Variants in MATN3 observed in about 807,000 individuals in gnomAD.
MATN3 encodes matrilin-3.
In MATN3, 48 loss-of-function variants were observed where a neutral mutation model predicts 45.3. The ratio of observed to expected loss-of-function variants is 1.06; its 90% CI spans 0.84 to 1.35. MATN3 has a LOEUF of 1.35. MATN3 is among the 40% of genes most tolerant of loss of function. The pLI is 0.00. For synonymous variants in MATN3, 217 were observed against 245.9 expected (o/e 0.88, Z 1.10); for missense variants, 599 against 628.0 (o/e 0.95, Z 0.49).
Position 19,993,060 on chromosome 2 carries a change from G to A in MATN3, c.*51C>T, listed in dbSNP as rs1360658682. 7.0e-7 allele frequency: 1 copy of A among 1,430,786 alleles called. No homozygotes were observed. The highest frequency in any genetic ancestry group is 9.9e-7 in the Non-Finnish European group (1 of 1,013,778). The allele number at this position is 1,430,786 out of a possible 1,614,324, so 88.6% of individuals were successfully genotyped here. A position where few individuals can be genotyped will look rare whatever the true frequency, so the allele number is the denominator to read the frequency against. On this transcript the variant is annotated 3_prime_UTR_variant, in exon 8 of 8. Transcript: ENST00000407540. The stretch of plus-strand genomic sequence containing the variant: ...AACAGGTGTGCAAAAGAATGCATGA[G>A]TATTAAGTACACCAAGCTGTCCACA...
rs1323768727 is a variant in MATN3 at position 20,006,068 on chromosome 2, A to T, written c.466T>A (p.Leu156Met). 6 of 1,613,856 alleles carry T rather than the reference A, an allele frequency of 3.7e-6. No homozygotes were observed. Among genetic ancestry groups the T allele is most frequent in the African/African-American group, 1.3e-5 (1 of 74,922 alleles). Residue 156 changes from leucine to methionine, a missense_variant, in exon 2 of 8, where the codon TTG (leucine) becomes ATG (methionine). Coordinates refer to ENST00000407540, the MANE Select transcript of MATN3 (RefSeq NM_002381.5). ...AGGCCTGACATGGTGCCTGTTGACA[A>T]GGGTGTGATTCGACCCACGGCCTGC... is the stretch of plus-strand genomic sequence containing the variant. ...LKQAVGRITP[L>M]STGTMSGLAI...
chr2:20,004,331 C>T (rs1337278930), intron 2 of MATN3: 3 of 152,280 alleles, frequency 2.0e-5, no homozygotes, highest in Admixed American at 6.5e-5. Flanking sequence ...CGAAGCCCAA[C>T]CCCAGGTGCT....
In MATN3 at chr2:20,000,456, T is replaced by A. The variant is rs758731186; in HGVS notation, c.1153A>T (p.Lys385Ter). Residue 385 changes from lysine (K) to a stop codon, truncating the protein, a stop_gained, in exon 5 of 8, where the codon AAA (lysine) becomes TAA (stop). Transcript: ENST00000407540. LOFTEE classifies it high-confidence loss of function. ...TGGATCTTACCTGAACATGTTTTTT[T>A]ATCTGCATTCAGAGTGTAGCCCTCA... ...CYEGYTLNAD[K>*]KTCSVRDKCA... 6.2e-7 allele frequency: 1 copy of A among 1,607,078 alleles called. No individual in the cohort carries two copies. Among genetic ancestry groups the A allele is most frequent in the Non-Finnish European group, 8.5e-7 (1 of 1,177,560 alleles).
rs1672967895 is a variant in MATN3, at chr2:20,000,643, G to A, written c.1043-77C>T. 9.2e-6 allele frequency: 13 copies of A among 1,411,802 alleles called. 1 individual carries two copies. Among genetic ancestry groups the A allele is most frequent in the African/African-American group, 8.8e-5 (6 of 68,380 alleles). 87.5% of individuals were successfully genotyped at this position (1,411,802 alleles called of 1,614,324 possible). A position where few individuals can be genotyped will look rare whatever the true frequency, so the allele number is the denominator to read the frequency against. On this transcript the variant is annotated intron_variant, in intron 4 of 7. Coordinates refer to ENST00000407540, the MANE Select transcript of MATN3 (RefSeq NM_002381.5). ...ATTACCCAGGATAGAAACCTTATTT[G>A]CAGCTGGAAACATATGAGGAAAACT... is the stretch of plus-strand genomic sequence containing the variant.
At chr2:20,008,271 C>A (rs923162028) in intron 1 of MATN3, among the ~76,000 whole-genome samples, 1 of 152,088 alleles carries the variant, frequency 6.6e-6, no homozygotes, top group South Asian at 2.1e-4. Flanking sequence ...CCCTAAACTT[C>A]TTTTTCAAGT....
At chr2:19,996,629 T>A (rs772937189) in intron 6 of MATN3, among the ~76,000 whole-genome samples, 7 of 152,082 alleles carry the variant, frequency 4.6e-5, no homozygotes, top group Non-Finnish European at 8.8e-5. Flanking sequence ...GAAGAAGCAG[T>A]GAATCTGGGG....
At position 20,012,193 on chromosome 2, in the gene MATN3, T is replaced by C. The variant is rs1172235140; in HGVS notation, c.223+216A>G. 6.6e-6 allele frequency among the ~76,000 whole-genome samples: 1 copy of C among 152,170 alleles called. No individual in the cohort carries two copies. The highest frequency in any genetic ancestry group is 2.4e-5 in the African/African-American group (1 of 41,444). ...GGCCGAATCACAGGGGAGTGAGAGC[T>C]TCAGGAGACCCACATCTCTAGCCTG... is the stretch of plus-strand genomic sequence containing the variant. On this transcript the variant is annotated intron_variant, in intron 1 of 7. Coordinates refer to ENST00000407540, the MANE Select transcript of MATN3 (RefSeq NM_002381.5). This position sits in a 1 kb window ranked among gnomAD's most constrained non-coding sequence, Gnocchi z 4.3.
At chr2:20,011,680 CCTTG>C (rs958717962) in intron 1 of MATN3, among the ~76,000 whole-genome samples, 6 of 152,170 alleles carry the variant, frequency 3.9e-5, no homozygotes, top group Non-Finnish European at 7.3e-5. Context: ...TGGAAAGAGA[CCTTG>C]CTTGGGATTT....
In MATN3 at chr2:20,012,350, G is replaced by T. The variant is rs938965361; in HGVS notation, c.223+59C>A. 12 of 1,186,684 alleles carry T rather than the reference G, an allele frequency of 1.0e-5. No individual in the cohort carries two copies. The African/African-American group carries it at 1.9e-4, about 19-fold the overall frequency. The allele number at this position is 1,186,684 out of a possible 1,614,324, so 73.5% of individuals were successfully genotyped here. Reference sequence around the variant, plus strand: ...AGGCCGGGATGAAGCGCGCTTGGTGGATGCCCTGGGCTTCTCCTCGTTCGA... The same window carrying T: ...AGGCCGGGATGAAGCGCGCTTGGTGTATGCCCTGGGCTTCTCCTCGTTCGA... On this transcript the variant is annotated intron_variant, in intron 1 of 7. Transcript: ENST00000407540. The surrounding 1 kb of genome is among the most constrained non-coding windows in gnomAD (Gnocchi z 4.3).
chr2:20,009,982 G>T (rs1158843053), intron 1 of MATN3, among the ~76,000 whole-genome samples: 1 of 145,072 alleles, frequency 6.9e-6, no homozygotes. Context: ...TGACCATCTT[G>T]AGCACATGTA....
chr2:20,010,089 A>AAAAAAAAAAAAAAAAAAAAAAAAAAAT (rs1241060286), intron 1 of MATN3, among the ~76,000 whole-genome samples: 1 of 144,212 alleles, frequency 6.9e-6, no homozygotes, highest in Non-Finnish European at 1.5e-5. Context: ...AAAAAAAAAA[A>AAAAAAAAAAAAAAAAAAAAAAAAAAAT]ACCTCCAGAA....
chr2:19,997,277 A>G lies in MATN3; in HGVS notation c.1169-18T>C. The G allele has an allele frequency of 6.3e-7, 1 of 1,579,404 alleles. No individual in the cohort carries two copies. Among genetic ancestry groups the G allele is most frequent in the Non-Finnish European group, 8.6e-7 (1 of 1,166,572 alleles). On this transcript the variant is annotated intron_variant, in intron 5 of 7. Transcript: ENST00000407540. ...GTCACGGACTGACCGCACGTGGTGC[A>G]GGAAAGAAAATATTCACACATTAAA...
At chr2:20,001,194 A>G (rs1274642874) in intron 4 of MATN3, among the ~76,000 whole-genome samples, 1 of 152,272 alleles carries the variant, frequency 6.6e-6, no homozygotes, top group Non-Finnish European at 1.5e-5. Flanking sequence ...AGTAATTTAC[A>G]TAACCATAGT....
chr2:19,996,329 A>G (rs1672865835), intron 6 of MATN3, among the ~76,000 whole-genome samples: 1 of 152,228 alleles, frequency 6.6e-6, no homozygotes, highest in Non-Finnish European at 1.5e-5. Flanking sequence ...GAAAGAAATT[A>G]AAGAAGACCT....
Position 20,005,960 on chromosome 2 carries a change from T to C in MATN3, c.574A>G (p.Ile192Val). The C allele has an allele frequency of 6.2e-7, 1 of 1,613,972 alleles. No homozygotes were observed. The highest frequency in any genetic ancestry group is 8.5e-7 in the Non-Finnish European group (1 of 1,179,854). Residue 192 changes from isoleucine to valine, a missense_variant, in exon 2 of 8, where the codon ATC becomes GTC. Coordinates refer to ENST00000407540, the MANE Select transcript of MATN3 (RefSeq NM_002381.5). ...EPSSNIPKVA[I>V]IVTDGRPQDQ... is the part of the protein sequence containing the mutation. ...TGGGGCCTCCCATCTGTAACAATGA[T>C]GGCCACCTTAGGGATGTTAGAAGAG...
chr2:20,000,707 C>A, intron 4 of MATN3, 141 bp from the exon 5 acceptor site: 2 of 753,956 alleles, frequency 2.7e-6, no homozygotes, highest in Admixed American at 3.5e-5. Flanking sequence ...CTGTTTTTTT[C>A]TAACTAGAAG....
intron 6 of MATN3, among the ~76,000 whole-genome samples, chr2:19,994,941 T>C (rs1672833975): frequency 6.6e-6 from 1 of 151,958 alleles, no homozygotes; most frequent in South Asian, 2.1e-4. Context: ...AGTAAAATAG[T>C]TAGCCAGGCA....
intron 2 of MATN3, among the ~76,000 whole-genome samples, chr2:20,003,489 C>T (rs1000345586): frequency 6.6e-6 from 1 of 152,184 alleles, no homozygotes; most frequent in African/African-American, 2.4e-5. Context: ...TTTAAAAGTA[C>T]ACATCTTGCT....
chr2:20,002,276 A>T, intron 3 of MATN3, among the ~76,000 whole-genome samples, 196 bp from the exon 4 acceptor site: 1 of 152,158 alleles, frequency 6.6e-6, no homozygotes. Flanking sequence ...ACCCTGTGAC[A>T]TAGGTAAGTT....
Sources: gnomAD v4.1 joint callset for allele counts (sites outside exome capture counted in the v4.1 genomes callset) on GRCh38, gnomAD v4.1.1 for gene constraint, Gnocchi (gnomAD v3.1) non-coding constraint, MANE v1.5 for transcripts, NCBI Gene and HGNC (gene_info 2026-07-23, HGNC 2026-07-21) for gene names.